UVRAG: variants seen among roughly 807,000 people sequenced by gnomAD.
The protein encoded by UVRAG is UV radiation resistance-associated gene protein.
Under a neutral mutation model 78.0 loss-of-function variants are expected in UVRAG, and 19 were observed. The ratio of observed to expected loss-of-function variants is 0.24; its 90% CI spans 0.17 to 0.36. UVRAG has a LOEUF of 0.36. Ranked by LOEUF, UVRAG falls within the 10% of genes least tolerant of loss-of-function variation. The pLI is 1.00. For synonymous variants in UVRAG, 323 were observed against 324.6 expected (o/e 1.00, Z 0.05); for missense variants, 740 against 853.8 (o/e 0.87, Z 1.66).
chr11:75,976,888 AG>A (rs1228401041), intron 7 of UVRAG, among the ~76,000 whole-genome samples: 1 of 151,404 alleles, frequency 6.6e-6, no homozygotes, highest in East Asian at 1.9e-4. Context: ...CTCTCATCTT[AG>A]TTATTTCTTG....
At chr11:75,937,415 T>G (rs1440297385) in intron 6 of UVRAG, among the ~76,000 whole-genome samples, 2 of 152,214 alleles carry the variant, frequency 1.3e-5, no homozygotes, top group African/African-American at 2.4e-5. Context: ...AAGTATTTCC[T>G]TTTGCATTTC....
chr11:76,126,097 A>C lies in UVRAG; in HGVS notation c.1397+10082A>C, dbSNP rs550362740. On this transcript the variant is annotated intron_variant, in intron 14 of 14. Coordinates refer to ENST00000356136, the MANE Select transcript of UVRAG (RefSeq NM_003369.4). ...CCCGGGCAGCTGGGACCACAGGCGC[A>C]TGCCACCTCACCCGGCTAATTTTTT... Among the ~76,000 whole-genome samples, 795 of 150,268 alleles carry C rather than the reference A, an allele frequency of 5.3e-3. 6 individuals are homozygous for C. The highest frequency in any genetic ancestry group is 0.018 in the African/African-American group (730 of 39,792).
At chr11:75,905,328 G>A (rs981553139) in intron 5 of UVRAG, among the ~76,000 whole-genome samples, 1 of 152,100 alleles carries the variant, frequency 6.6e-6, no homozygotes, top group African/African-American at 2.4e-5. Context: ...GTTTTGAAGT[G>A]TGCAATTCAG....
In UVRAG at chr11:75,903,523, A is replaced by G. The variant is rs549712920; in HGVS notation, c.508-8431A>G. On this transcript the variant is annotated intron_variant, in intron 5 of 14. Coordinates refer to ENST00000356136, the MANE Select transcript of UVRAG (RefSeq NM_003369.4). The stretch of plus-strand genomic sequence containing the variant: ...ATGCAGCTTGTGTTTTCCTGCTGTC[A>G]TGCTTTGGCTAAAGGTGTTCAGTCT... Among the ~76,000 whole-genome samples the G allele has an allele frequency of 3.3e-5, 5 of 152,306 alleles. No individual in the cohort carries two copies. In the South Asian group the frequency reaches 6.2e-4, roughly 19 times the overall value.
At chr11:75,883,745 A>G (rs1025693902) in intron 4 of UVRAG, among the ~76,000 whole-genome samples, 1 of 152,220 alleles carries the variant, frequency 6.6e-6, no homozygotes, top group African/African-American at 2.4e-5. Flanking sequence ...CAGCTTGTAT[A>G]GAATCAGGGA....
intron 6 of UVRAG, among the ~76,000 whole-genome samples, chr11:75,944,662 T>C (rs1306216042): frequency 6.6e-6 from 1 of 152,120 alleles, no homozygotes; most frequent in Non-Finnish European, 1.5e-5. Flanking sequence ...TGAACAAAGA[T>C]ATAGAAAATT....
intron 1 of UVRAG, among the ~76,000 whole-genome samples, chr11:75,833,844 T>G (rs1016645205): frequency 3.9e-5 from 6 of 152,246 alleles, no homozygotes; most frequent in Non-Finnish European, 8.8e-5. Context: ...TTATTGTTTG[T>G]GGTTTAAGAA....
chr11:75,893,469 A>G (rs956979704), intron 5 of UVRAG, among the ~76,000 whole-genome samples: 2 of 152,002 alleles, frequency 1.3e-5, no homozygotes, highest in Non-Finnish European at 2.9e-5. Flanking sequence ...CTAAAAGGGG[A>G]AATTTGAAAA....
chr11:76,082,539 C>CAAAAAA (rs5792708), intron 13 of UVRAG, among the ~76,000 whole-genome samples: 1 of 101,664 alleles, frequency 9.8e-6, no homozygotes, highest in Non-Finnish European at 1.8e-5. Flanking sequence ...GACTCCGTCC[C>CAAAAAA]AAAAAAAAAA....
intron 12 of UVRAG, among the ~76,000 whole-genome samples, chr11:76,049,133 C>T (rs1350383963): frequency 1.3e-5 from 2 of 152,192 alleles, no homozygotes; most frequent in Non-Finnish European, 2.9e-5. Flanking sequence ...CTGAATAAAG[C>T]CATGTCTCAT....
At chr11:75,866,038 C>G (rs1946529041) in intron 3 of UVRAG, among the ~76,000 whole-genome samples, 1 of 151,962 alleles carries the variant, frequency 6.6e-6, no homozygotes, top group Non-Finnish European at 1.5e-5. Context: ...GGGCGGATTG[C>G]TTGAGCCTAG....
intron 6 of UVRAG, among the ~76,000 whole-genome samples, chr11:75,947,950 A>C (rs2135156155): frequency 6.6e-6 from 1 of 152,332 alleles, no homozygotes; most frequent in African/African-American, 2.4e-5. Context: ...TGTGCCAGGC[A>C]CTGTATTAGG....
rs1565352664 is a variant in UVRAG at position 75,866,541 on chromosome 11, C to T, written c.270+4761C>T. Among the ~76,000 whole-genome samples, 4 of 151,870 alleles carry T rather than the reference C, an allele frequency of 2.6e-5. No homozygotes were observed. The South Asian group carries it at 6.3e-4, about 24-fold the overall frequency. ...CCAGCTTGGGCGACACAGTGAGAAC[C>T]CATCTCAAAACAACAGCAACAGCAA... On this transcript the variant is annotated intron_variant, in intron 3 of 14. Coordinates refer to ENST00000356136, the MANE Select transcript of UVRAG (RefSeq NM_003369.4).
intron 14 of UVRAG, among the ~76,000 whole-genome samples, chr11:76,123,836 G>C (rs969126277): frequency 1.3e-5 from 2 of 152,192 alleles, no homozygotes; most frequent in Non-Finnish European, 2.9e-5. Context: ...CTCGATCTCA[G>C]CTCATTGCAA....
At chr11:76,031,969 G>A (rs1950445842) in intron 12 of UVRAG, among the ~76,000 whole-genome samples, 1 of 152,102 alleles carries the variant, frequency 6.6e-6, no homozygotes, top group South Asian at 2.1e-4. Context: ...TATTGGTGTT[G>A]CATGAAAGTA....
intron 12 of UVRAG, among the ~76,000 whole-genome samples, chr11:76,057,846 T>G (rs1181087833): frequency 2.0e-5 from 3 of 152,128 alleles, no homozygotes; most frequent in Non-Finnish European, 4.4e-5. Context: ...TACTCGATCA[T>G]GGGGGAAAAA....
chr11:75,956,874 A>G (rs369851967), intron 6 of UVRAG, among the ~76,000 whole-genome samples: 1 of 151,890 alleles, frequency 6.6e-6, no homozygotes, highest in Admixed American at 6.6e-5. Context: ...GGCCATTCTT[A>G]TATCTTCTTT....
At chr11:75,994,125 A>G (rs931040516) in intron 8 of UVRAG, among the ~76,000 whole-genome samples, 3 of 152,214 alleles carry the variant, frequency 2.0e-5, no homozygotes, top group South Asian at 4.1e-4. Flanking sequence ...ATCACTTATA[A>G]ACAAATGTTG....
At chr11:76,070,253 G>C (rs1231003141) in intron 13 of UVRAG, among the ~76,000 whole-genome samples, 1 of 152,128 alleles carries the variant, frequency 6.6e-6, no homozygotes, top group Non-Finnish European at 1.5e-5. Flanking sequence ...AAATGTAAAA[G>C]TTGAATAACT....
Sources: gnomAD v4.1 joint callset for allele counts (sites outside exome capture counted in the v4.1 genomes callset) on GRCh38, gnomAD v4.1.1 for gene constraint, MANE v1.5 for transcripts, NCBI Gene and HGNC (gene_info 2026-07-23, HGNC 2026-07-21) for gene names.